ATF6B: variants seen among roughly 807,000 people sequenced by gnomAD.
ATF6B encodes activating transcription factor 6 beta.
A neutral mutation model predicts 83.5 loss-of-function variants in ATF6B; 50 were observed. The observed-to-expected ratio is 0.60, with a 90% CI of 0.48 to 0.76. The LOEUF is 0.76. Ranked by LOEUF, ATF6B falls within the 30% of genes least tolerant of loss-of-function variation. The probability of loss-of-function intolerance (pLI) is 0.00; values close to 1 mark genes in which losing one functional copy is unlikely to be tolerated. For missense variants in ATF6B, 790 were observed against 893.8 expected (o/e 0.88, Z 1.48); for synonymous variants, 344 against 362.8 (o/e 0.95, Z 0.59).
intron 5 of ATF6B, among the ~76,000 whole-genome samples, chr6:32,124,022 G>A (rs1781868090): frequency 6.6e-6 from 1 of 152,148 alleles, no homozygotes; most frequent in Non-Finnish European, 1.5e-5. Context: ...TAACATGAAA[G>A]AAGCCCTGTC....
chr6:32,118,318 C>T lies in ATF6B; in HGVS notation c.1245-280G>A, dbSNP rs937182721. 1.3e-5 allele frequency among the ~76,000 whole-genome samples: 2 copies of T among 152,120 alleles called. No individual in the cohort carries two copies. The highest frequency in any genetic ancestry group is 2.4e-5 in the African/African-American group (1 of 41,420). On this transcript the variant is annotated intron_variant, in intron 11 of 17. Transcript: ENST00000375203. The surrounding 1 kb of genome is among the most constrained non-coding windows in gnomAD (Gnocchi z 5.2). ...AAAAATAATGGAGCAGGAGGCCGGG[C>T]GAGGTGGCTCAAGCCTGTAATCCTA...
rs1781492450 is a variant in ATF6B, at chr6:32,115,624, C to T, written c.*115G>A. 4.3e-6 allele frequency: 4 copies of T among 922,630 alleles called. No individual in the cohort carries two copies. In the African/African-American group the frequency reaches 6.6e-5, roughly 15 times the overall value. The allele number at this position is 922,630 out of a possible 1,614,324, so 57.2% of individuals were successfully genotyped here. On this transcript the variant is annotated 3_prime_UTR_variant, in exon 18 of 18. Transcript: ENST00000375203. ...TCAAATAAGTGCTTAACCCCCACAC[C>T]TGCTCTTTCCTTTACCAATTGCCCC...
At chr6:32,121,659 C>G (rs140013811) in intron 5 of ATF6B, among the ~76,000 whole-genome samples, 1 of 152,124 alleles carries the variant, frequency 6.6e-6, no homozygotes, top group East Asian at 1.9e-4. Flanking sequence ...CAAGATCGCG[C>G]CATTGCACTC....
In ATF6B at chr6:32,118,703, C is replaced by CAAA; in HGVS notation, c.1244+69_1244+71dup. ...ATAAGCAGAAGGAAATGGCCTGGGC[C>CAAA]AAAGCAGGCAGCTAGGAGGCTGTAA... On this transcript the variant is annotated intron_variant, in intron 11 of 17. Coordinates refer to ENST00000375203, the MANE Select transcript of ATF6B (RefSeq NM_004381.5). This position sits in a 1 kb window ranked among gnomAD's most constrained non-coding sequence, Gnocchi z 5.2. 6.7e-7 allele frequency: 1 copy of CAAA among 1,501,454 alleles called. No individual in the cohort carries two copies. The highest frequency in any genetic ancestry group is 1.1e-5 in the South Asian group (1 of 87,578). The allele number at this position is 1,501,454 out of a possible 1,614,324, so 93.0% of individuals were successfully genotyped here.
Position 32,128,199 on chromosome 6 carries a change from C to T in ATF6B, c.9G>A (p.Glu3=). The stretch of plus-strand genomic sequence containing the variant: ...CAGCAATCTCGCTGAGCAGCATCAG[C>T]TCCGCCATCTTTCCCCCCCACCCCC... MA[E]LMLLSEIADP... is the part of the protein sequence containing the mutation. Residue 3 remains glutamate (E), a synonymous_variant, in exon 1 of 18, where the codon GAG becomes GAA. Transcript: ENST00000375203. 6.2e-7 allele frequency: 1 copy of T among 1,611,874 alleles called. No homozygotes were observed. Among genetic ancestry groups the T allele is most frequent in the South Asian group, 1.1e-5 (1 of 91,062 alleles).
Position 32,115,650 on chromosome 6 carries a change from A to G in ATF6B, c.*89T>C. The G allele has an allele frequency of 8.1e-7, 1 of 1,231,612 alleles. No individual in the cohort carries two copies. The highest frequency in any genetic ancestry group is 1.1e-6 in the Non-Finnish European group (1 of 877,074). The allele number at this position is 1,231,612 out of a possible 1,614,324, so 76.3% of individuals were successfully genotyped here. ...TGCTCTTTCCTTTACCAATTGCCCC[A>G]AGCCTGGGGATCAGGGAAATTTGAA... On this transcript the variant is annotated 3_prime_UTR_variant, in exon 18 of 18. Coordinates refer to ENST00000375203, the MANE Select transcript of ATF6B (RefSeq NM_004381.5).
chr6:32,127,152 G>C lies in ATF6B; in HGVS notation c.293C>G (p.Ser98Cys). ...KSEPSSPCSS[S>C]SLSSESSRLS... ...ACGCGATGACTCGGAGCTGAGGGAG[G>C]AGGAAGAGCAGGGGGAAGATGGCTC... Residue 98 changes from serine to cysteine, a missense_variant, in exon 4 of 18, where the codon TCC (serine) becomes TGC (cysteine). This residue lies in a region of ATF6B where 253 missense variants were observed against 243.1 expected (regional missense o/e 1.04). Transcript: ENST00000375203. 1 of 1,612,080 alleles carries C rather than the reference G, an allele frequency of 6.2e-7. No homozygotes were observed. The highest frequency in any genetic ancestry group is 8.5e-7 in the Non-Finnish European group (1 of 1,179,372).
In ATF6B at chr6:32,118,679, T is replaced by A; in HGVS notation, c.1244+96A>T. On this transcript the variant is annotated intron_variant, in intron 11 of 17. Transcript: ENST00000375203. The surrounding 1 kb of genome is among the most constrained non-coding windows in gnomAD (Gnocchi z 5.2). ...CAAGGACACCAGAACCATTTGTATA[T>A]AAGCAGAAGGAAATGGCCTGGGCCA... is the stretch of plus-strand genomic sequence containing the variant. 1 of 1,240,766 alleles carries A rather than the reference T, an allele frequency of 8.1e-7. No individual in the cohort carries two copies. The highest frequency in any genetic ancestry group is 1.2e-6 in the Non-Finnish European group (1 of 855,664). 76.9% of individuals were successfully genotyped at this position (1,240,766 alleles called of 1,614,324 possible). A position where few individuals can be genotyped will look rare whatever the true frequency, so the allele number is the denominator to read the frequency against.
intron 3 of ATF6B, 94 bp from the exon 4 acceptor site, chr6:32,127,288 C>T (rs1782022156): frequency 2.2e-6 from 3 of 1,384,728 alleles, no homozygotes; most frequent in South Asian, 1.3e-5. Flanking sequence ...TCCTGTACCG[C>T]AGCAAGGGAG....
Position 32,125,985 on chromosome 6 carries a change from C to A in ATF6B, c.478+132G>T, listed in dbSNP as rs1229289319. The A allele has an allele frequency of 2.2e-6, 3 of 1,363,706 alleles. No homozygotes were observed. Among genetic ancestry groups the A allele is most frequent in the Non-Finnish European group, 3.0e-6 (3 of 1,005,690 alleles). 84.5% of individuals were successfully genotyped at this position (1,363,706 alleles called of 1,614,324 possible). ...TCCTGCCTTCCCTCCTGGTTTTCTG[C>A]CATTTCCCCTCCCCACCTTTTTCTC... is the stretch of plus-strand genomic sequence containing the variant. On this transcript the variant is annotated intron_variant, in intron 5 of 17. Transcript: ENST00000375203. This position sits in a 1 kb window ranked among gnomAD's most constrained non-coding sequence, Gnocchi z 4.1.
chr6:32,119,991 C>T lies in ATF6B; in HGVS notation c.833-34G>A, dbSNP rs574239854. 1.2e-5 allele frequency: 19 copies of T among 1,600,690 alleles called. No homozygotes were observed. The highest frequency in any genetic ancestry group is 2.2e-5 in the East Asian group (1 of 44,546). On this transcript the variant is annotated intron_variant, in intron 8 of 17. Transcript: ENST00000375203. This position sits in a 1 kb window ranked among gnomAD's most constrained non-coding sequence, Gnocchi z 4.9. The stretch of plus-strand genomic sequence containing the variant: ...AGTGAGCAGAGGTCAGAGGGCTGTG[C>T]GCTGGGTGGGGTCCTTGTGTCCACA...
In ATF6B at chr6:32,117,716, A is replaced by C. The variant is rs1463406594; in HGVS notation, c.1425-22T>G. ...GTTGCTGGAGTGAAGCAGGAAGGAG[A>C]CAACACTTGGAGACTGCCCAGCACT... is the stretch of plus-strand genomic sequence containing the variant. On this transcript the variant is annotated intron_variant, in intron 12 of 17. Transcript: ENST00000375203. This position sits in a 1 kb window ranked among gnomAD's most constrained non-coding sequence, Gnocchi z 5.0. 6.2e-7 allele frequency: 1 copy of C among 1,610,328 alleles called. No individual in the cohort carries two copies. The highest frequency in any genetic ancestry group is 8.5e-7 in the Non-Finnish European group (1 of 1,177,724).
rs1425723248 is a variant in ATF6B at position 32,127,735 on chromosome 6, G to A, written c.107C>T (p.Ser36Phe). 1.2e-6 allele frequency: 2 copies of A among 1,614,204 alleles called. No individual in the cohort carries two copies. Among genetic ancestry groups the A allele is most frequent in the Admixed American group, 1.7e-5 (1 of 60,026 alleles). Residue 36 changes from serine (S) to phenylalanine (F), a missense_variant, in exon 2 of 18, where the codon TCT becomes TTT. Coordinates refer to ENST00000375203, the MANE Select transcript of ATF6B (RefSeq NM_004381.5). ...CTCCTCGGCCACTTCATCTAGGCCA[G>A]AATACAAGGTGCTGTCTGCAAGAAA... ...DWGLQNSTLY[S>F]GLDEVAEEQT...
intron 3 of ATF6B, 51 bp from the exon 4 acceptor site, chr6:32,127,245 C>A (rs1251973194): frequency 6.6e-6 from 10 of 1,510,970 alleles, no homozygotes; most frequent in East Asian, 2.3e-5. Flanking sequence ...TAAGAAGAGT[C>A]CAAAAAGTAC....
Position 32,127,172 on chromosome 6 carries a change from T to C in ATF6B, c.273A>G (p.Pro91=), listed in dbSNP as rs1008079847. ...IFPDLQVKSE[P]SSPCSSSSLS... The stretch of plus-strand genomic sequence containing the variant: ...GGGAGGAGGAAGAGCAGGGGGAAGA[T>C]GGCTCAGACTTCACCTGAAGATCTG... Residue 91 remains proline (P), a synonymous_variant, in exon 4 of 18, where the codon CCA becomes CCG. Coordinates refer to ENST00000375203, the MANE Select transcript of ATF6B (RefSeq NM_004381.5). The C allele has an allele frequency of 2.1e-5, 34 of 1,611,402 alleles. No individual in the cohort carries two copies. The highest frequency in any genetic ancestry group is 4.0e-5 in the African/African-American group (3 of 74,820).
Position 32,119,748 on chromosome 6 carries a change from C to T in ATF6B, c.966+76G>A. The T allele has an allele frequency of 6.4e-7, 1 of 1,570,146 alleles. No individual in the cohort carries two copies. The highest frequency in any genetic ancestry group is 8.7e-7 in the Non-Finnish European group (1 of 1,154,662). On this transcript the variant is annotated intron_variant, in intron 9 of 17. Coordinates refer to ENST00000375203, the MANE Select transcript of ATF6B (RefSeq NM_004381.5). The surrounding 1 kb of genome is among the most constrained non-coding windows in gnomAD (Gnocchi z 4.9). ...CTAGGTATCGACTCCCTCCTCATCC[C>T]ACAGTTCTCTCTATGGCAAGACTTC... is the stretch of plus-strand genomic sequence containing the variant.
rs1781529599 is a variant in ATF6B, at chr6:32,116,389, G to A, written c.1882+91C>T. The A allele has an allele frequency of 8.0e-7, 1 of 1,248,478 alleles. No homozygotes were observed. Among genetic ancestry groups the A allele is most frequent in the Non-Finnish European group, 1.1e-6 (1 of 894,146 alleles). The allele number at this position is 1,248,478 out of a possible 1,614,324, so 77.3% of individuals were successfully genotyped here. ...TCACCTGTGGGTCCAGCAGCTCTCT[G>A]GATGCCCTGCTCCTCTCCCCCTTCC... On this transcript the variant is annotated intron_variant, in intron 17 of 17. Coordinates refer to ENST00000375203, the MANE Select transcript of ATF6B (RefSeq NM_004381.5). The surrounding 1 kb of genome is among the most constrained non-coding windows in gnomAD (Gnocchi z 5.1).
At position 32,118,810 on chromosome 6, in the gene ATF6B, G is replaced by A. The variant is rs1781634368; in HGVS notation, c.1209C>T (p.Phe403=). ...GNRKVVCIMV[F]LLFIAFNFGP... is the part of the protein sequence containing the mutation. The stretch of plus-strand genomic sequence containing the variant: ...CAAAGTTGAAGGCAATGAAGAGAAG[G>A]AAGACCATGATGCAGACCACCTTCC... The change falls in exon 11 of 18, where the codon TTC becomes TTT. Residue 403 remains phenylalanine, a synonymous_variant. Coordinates refer to ENST00000375203, the MANE Select transcript of ATF6B (RefSeq NM_004381.5). The surrounding 1 kb of genome is among the most constrained non-coding windows in gnomAD (Gnocchi z 5.2). 6.2e-7 allele frequency: 1 copy of A among 1,614,106 alleles called. No individual in the cohort carries two copies. The highest frequency in any genetic ancestry group is 1.3e-5 in the African/African-American group (1 of 74,942).
chr6:32,123,141 T>C (rs1018385744), intron 5 of ATF6B, among the ~76,000 whole-genome samples: 2 of 131,782 alleles, frequency 1.5e-5, no homozygotes, highest in African/African-American at 5.9e-5. Flanking sequence ...GGCAGGACAA[T>C]AGCTTAAACC....
Sources: gnomAD v4.1 joint callset for allele counts (sites outside exome capture counted in the v4.1 genomes callset) on GRCh38, gnomAD v4.1.1 for gene constraint, gnomAD v4.1.1 regional missense constraint, Gnocchi (gnomAD v3.1) non-coding constraint, MANE v1.5 for transcripts, NCBI Gene and HGNC (gene_info 2026-07-23, HGNC 2026-07-21) for gene names.